Variants in CLSTN1 observed in about 807,000 individuals in gnomAD.
CLSTN1 encodes the protein calsyntenin 1.
In CLSTN1, 28 loss-of-function variants were observed where a neutral mutation model predicts 108.3. The ratio of observed to expected loss-of-function variants is 0.26; its 90% CI spans 0.19 to 0.35. The LOEUF is 0.35. CLSTN1 is among the 10% of genes least tolerant of loss of function. The pLI is 1.00. For synonymous variants in CLSTN1, 524 were observed against 534.9 expected, an observed-to-expected ratio of 0.98 and a Z score of 0.28; for missense variants, 1,157 against 1,302.6, an observed-to-expected ratio of 0.89 and a Z score of 1.72.
rs199790550 is a variant in CLSTN1 at position 9,749,503 on chromosome 1, C to T, written c.943G>A (p.Asp315Asn). 6.2e-7 allele frequency: 1 copy of T among 1,613,816 alleles called. No homozygotes were observed. Among genetic ancestry groups the T allele is most frequent in the Non-Finnish European group, 8.5e-7 (1 of 1,179,924 alleles). ...GACTTCTCTGAGTAGGTGTCTCGGTCGCAGCCTTTCCCTATGTGGCTGGTT... is the reference window on the plus strand; with the variant it reads ...GACTTCTCTGAGTAGGTGTCTCGGTTGCAGCCTTTCCCTATGTGGCTGGTT... ...LETSHIGKGC[D>N]RDTYSEKSLH... The change falls in exon 7 of 19, where the codon GAC becomes AAC. Residue 315 changes from aspartate to asparagine, a missense_variant. Asp to Asn is a conservative substitution (Grantham distance 23, BLOSUM62 1). Transcript: ENST00000377298.
chr1:9,819,615 T>G (rs1655116925), intron 1 of CLSTN1, among the ~76,000 whole-genome samples: 1 of 152,222 alleles, frequency 6.6e-6, no homozygotes, highest in South Asian at 2.1e-4. Context: ...CTTGGTTTCA[T>G]GCTTTTTCTC....
At chr1:9,821,507 G>T (rs547684726) in intron 1 of CLSTN1, among the ~76,000 whole-genome samples, 269 of 152,326 alleles carry the variant, frequency 1.8e-3, no homozygotes, top group Middle Eastern at 6.8e-3. Flanking sequence ...TAAGAGTCAA[G>T]ATGCAATTTA....
intron 1 of CLSTN1, among the ~76,000 whole-genome samples, chr1:9,807,019 G>A (rs1005911448): frequency 6.6e-6 from 1 of 151,900 alleles, no homozygotes; most frequent in Non-Finnish European, 1.5e-5. Flanking sequence ...CGTGGGGGGG[G>A]GTCTGGAGCA....
At chr1:9,735,314 G>C (rs1458641558) in intron 13 of CLSTN1, 140 bp from the exon 14 acceptor site, 4 of 1,366,072 alleles carry the variant, frequency 2.9e-6, no homozygotes, top group Admixed American at 1.8e-5. Context: ...TTGCAAACAA[G>C]ATGCGTAAAT....
chr1:9,789,954 G>T lies in CLSTN1; in HGVS notation c.92-16560C>A, dbSNP rs141125887. Reference sequence around the variant, plus strand: ...TAACTGCACCACTGCACTCCAGCCTGGGCAACAGAGCAAGACCCTATCTAA... The same window carrying T: ...TAACTGCACCACTGCACTCCAGCCTTGGCAACAGAGCAAGACCCTATCTAA... On this transcript the variant is annotated intron_variant, in intron 1 of 18. Transcript: ENST00000377298. 4.9e-3 allele frequency among the ~76,000 whole-genome samples: 736 copies of T among 151,376 alleles called. 7 individuals carry two copies. The highest frequency in any genetic ancestry group is 0.016 in the African/African-American group (659 of 41,460).
chr1:9,804,287 C>G (rs1654410860), intron 1 of CLSTN1, among the ~76,000 whole-genome samples: 1 of 145,650 alleles, frequency 6.9e-6, no homozygotes, highest in Non-Finnish European at 1.5e-5. Context: ...GGCATGAACC[C>G]GGGAGGCAGA....
chr1:9,756,361 G>A (rs745483036), intron 3 of CLSTN1, 120 bp downstream of exon 3: 4 of 763,246 alleles, frequency 5.2e-6, no homozygotes, highest in African/African-American at 5.2e-5. Context: ...AACAAAGTAG[G>A]AGAATAAATA....
intron 7 of CLSTN1, among the ~76,000 whole-genome samples, chr1:9,745,140 C>A (rs1437036475): frequency 6.6e-6 from 1 of 151,052 alleles, no homozygotes; most frequent in Non-Finnish European, 1.5e-5. Flanking sequence ...AGGGAAAGGG[C>A]CAGGCGTGAA....
rs141084815 is a variant in CLSTN1 at position 9,745,396 on chromosome 1, C to T, written c.986-753G>A. On this transcript the variant is annotated intron_variant, in intron 7 of 18. Coordinates refer to ENST00000377298, the MANE Select transcript of CLSTN1 (RefSeq NM_001009566.3). ...TCCTGGCAGGGCTTGGTGGCTCACA[C>T]CTGTAATCCCAGCACTTTGGGAGGC... 4.3e-3 allele frequency among the ~76,000 whole-genome samples: 661 copies of T among 152,284 alleles called. 12 individuals carry two copies. Among genetic ancestry groups the T allele is most frequent in the East Asian group, 0.043 (222 of 5,172 alleles).
chr1:9,757,835 G>A (rs1651891247), intron 2 of CLSTN1, among the ~76,000 whole-genome samples: 1 of 152,108 alleles, frequency 6.6e-6, no homozygotes, highest in African/African-American at 2.4e-5. Context: ...AACACACTGG[G>A]CCCTCACTGG....
chr1:9,740,263 T>C lies in CLSTN1; in HGVS notation c.1519+831A>G, dbSNP rs549903752. 5.3e-5 allele frequency among the ~76,000 whole-genome samples: 8 copies of C among 152,174 alleles called. No individual in the cohort carries two copies. In the South Asian group the frequency reaches 1.7e-3, roughly 32 times the overall value. On this transcript the variant is annotated intron_variant, in intron 10 of 18. Coordinates refer to ENST00000377298, the MANE Select transcript of CLSTN1 (RefSeq NM_001009566.3). ...TTAGTAGAGATGGGGTTTCACCACG[T>C]TGGCCAGGCTGGTCTCGAACTCCTG...
chr1:9,760,942 A>G (rs1432107114), intron 2 of CLSTN1, among the ~76,000 whole-genome samples: 1 of 151,978 alleles, frequency 6.6e-6, no homozygotes, highest in Admixed American at 6.6e-5. Flanking sequence ...CATCCGTTGC[A>G]GGGAAGGACC....
chr1:9,733,934 A>G (rs764662430), intron 15 of CLSTN1, 38 bp downstream of exon 15: 12 of 1,577,674 alleles, frequency 7.6e-6, no homozygotes, highest in Non-Finnish European at 9.5e-6. Context: ...CCCCTCTTGC[A>G]GCCTGGCCCA....
At chr1:9,745,645 C>T (rs551559264) in intron 7 of CLSTN1, among the ~76,000 whole-genome samples, 8 of 151,930 alleles carry the variant, frequency 5.3e-5, no homozygotes, top group African/African-American at 1.9e-4. Context: ...CGAGTGCGAC[C>T]CTGTCTCAAA....
At chr1:9,756,599 T>C in intron 2 of CLSTN1, 89 bp from the exon 3 acceptor site, 2 of 1,082,698 alleles carry the variant, frequency 1.8e-6, no homozygotes, top group South Asian at 1.4e-5. Context: ...GGTGCACATA[T>C]TACACATTTC....
Position 9,731,927 on chromosome 1 carries a change from A to AC in CLSTN1, c.2428-32dup, listed in dbSNP as rs1326246549. 1.9e-6 allele frequency: 3 copies of AC among 1,613,816 alleles called. No individual in the cohort carries two copies. The East Asian group carries it at 6.7e-5, about 36-fold the overall frequency. ...GCAGAGAAAGAGAGGATCGCTGGAG[A>AC]CAGGCATCCTGAGCCTGTCCAAGAG... On this transcript the variant is annotated intron_variant, in intron 16 of 18. Transcript: ENST00000377298.
At chr1:9,801,746 C>T (rs959814238) in intron 1 of CLSTN1, among the ~76,000 whole-genome samples, 4 of 151,950 alleles carry the variant, frequency 2.6e-5, no homozygotes, top group South Asian at 2.1e-4. Flanking sequence ...AGTAGAGATG[C>T]GGTTTCTCCA....
chr1:9,758,994 T>C (rs539798525), intron 2 of CLSTN1, among the ~76,000 whole-genome samples: 3 of 152,042 alleles, frequency 2.0e-5, no homozygotes, highest in South Asian at 4.1e-4. Context: ...AATCAAACAA[T>C]GTGAAAAATC....
chr1:9,795,458 G>T (rs1653947387), intron 1 of CLSTN1, among the ~76,000 whole-genome samples: 1 of 151,152 alleles, frequency 6.6e-6, no homozygotes. Flanking sequence ...AAGCCACCGT[G>T]CCCGGCCAAA....
Sources: allele counts gnomAD v4.1 joint callset (sites outside exome capture counted in the v4.1 genomes callset), GRCh38; gene constraint gnomAD v4.1.1; transcripts MANE v1.5; gene names NCBI Gene and HGNC (gene_info 2026-07-23, HGNC 2026-07-21).